The following PANX2 variants were observed in gnomAD, a reference collection of about 807,000 sequenced individuals.
PANX2 encodes pannexin 2.
Under a neutral mutation model 38.7 loss-of-function variants are expected in PANX2, and 30 were observed. The observed-to-expected ratio is 0.78, with a 90% CI of 0.58 to 1.05. The LOEUF is 1.05. PANX2 is among the 50% of genes least tolerant of loss of function. The pLI is 0.00. For missense variants in PANX2, 880 were observed against 979.3 expected, an observed-to-expected ratio of 0.90 and a Z score of 1.35; for synonymous variants, 539 against 472.1, an observed-to-expected ratio of 1.14 and a Z score of -1.84.
In PANX2 at chr22:50,179,160, CG is replaced by C. The variant is rs570684262; in HGVS notation, c.1922del (p.Gly641AlafsTer32). 257 of 1,611,766 alleles carry C rather than the reference CG, an allele frequency of 1.6e-4. 1 individual carries two copies. In the East Asian group the frequency reaches 2.2e-3, roughly 14 times the overall value. ...TGTACGAGGCCCGGGAGGAGGAGGACGGGGGCCCCCGCCTGCCGCAGGACGT... is the reference window on the plus strand; with the variant it reads ...TGTACGAGGCCCGGGAGGAGGAGGACGGGGCCCCCGCCTGCCGCAGGACGT... ...TLYEAREEED[G>X]GPRLPQDVGD... On this transcript the variant is annotated frameshift_variant, in exon 3 of 3. Coordinates refer to ENST00000395842, the MANE Select transcript of PANX2 (RefSeq NM_052839.4). LOFTEE classifies it high-confidence loss of function.
intron 1 of PANX2, among the ~76,000 whole-genome samples, chr22:50,171,553 G>C (rs561394542): frequency 1.3e-5 from 2 of 152,166 alleles, no homozygotes; most frequent in South Asian, 4.1e-4. Context: ...GGAGCCTGGA[G>C]CTCCTGCAGG....
At chr22:50,178,829 T>C in intron 2 of PANX2, 105 bp from the exon 3 acceptor site, 2 of 1,025,516 alleles carry the variant, frequency 2.0e-6, no homozygotes, top group Non-Finnish European at 2.8e-6. Context: ...TCCAGGGCGC[T>C]TCAGAGCCGT....
Position 50,170,856 on chromosome 22 carries a change from GC to G in PANX2, c.127del (p.Gln43SerfsTer2). On this transcript the variant is annotated frameshift_variant, in exon 1 of 3. Coordinates refer to ENST00000395842, the MANE Select transcript of PANX2 (RefSeq NM_052839.4). LOFTEE classifies it high-confidence loss of function. ...KAGALAALLL[Q>X]LKLELPFDRV... Reference sequence around the variant, plus strand: ...CGGGCGCGCTGGCCGCGCTGCTTCTGCAGCTGAAGCTGGAGCTGCCGTTCGA... The same window carrying G: ...CGGGCGCGCTGGCCGCGCTGCTTCTGAGCTGAAGCTGGAGCTGCCGTTCGA... The G allele has an allele frequency of 6.6e-7, 1 of 1,509,032 alleles. No individual in the cohort carries two copies. The allele number at this position is 1,509,032 out of a possible 1,614,324, so 93.5% of individuals were successfully genotyped here.
chr22:50,178,739 G>C (rs966809622), intron 2 of PANX2, among the ~76,000 whole-genome samples, 195 bp from the exon 3 acceptor site: 8 of 152,186 alleles, frequency 5.3e-5, no homozygotes, highest in Non-Finnish European at 1.0e-4. Flanking sequence ...TTCCACCGAC[G>C]GCACTGCGGC....
chr22:50,177,728 C>G lies in PANX2; in HGVS notation c.1016C>G (p.Ser339Trp). The change falls in exon 2 of 3, where the codon TCG becomes TGG. Residue 339 changes from serine (S) to tryptophan (W), a missense_variant. Transcript: ENST00000395842. The stretch of plus-strand genomic sequence containing the variant: ...AAGACGCGCCGGCAGTGGCGCCGCT[C>G]GCAGTTCTGCGACATCAACATCCTG... ...GIKTRRQWRR[S>W]QFCDINILAM... 2 of 1,609,730 alleles carry G rather than the reference C, an allele frequency of 1.2e-6. No homozygotes were observed. The highest frequency in any genetic ancestry group is 1.3e-5 in the African/African-American group (1 of 75,054).
intron 2 of PANX2, 70 bp from the exon 3 acceptor site, chr22:50,178,864 C>G: frequency 1.5e-6 from 2 of 1,360,480 alleles, no homozygotes; most frequent in Non-Finnish European, 2.0e-6. Flanking sequence ...CGCCAGCCTG[C>G]ACTGGGTGGG....
intron 1 of PANX2, chr22:50,175,425 TC>T (rs1211242676): frequency 3.0e-5 from 39 of 1,296,078 alleles, no homozygotes; most frequent in Non-Finnish European, 3.9e-5. Context: ...CCTGTTCTCT[TC>T]CCCAGGGTGG....
At chr22:50,172,833 A>T (rs2063639763) in intron 1 of PANX2, among the ~76,000 whole-genome samples, 1 of 150,112 alleles carries the variant, frequency 6.7e-6, no homozygotes, top group South Asian at 2.1e-4. Context: ...GGTTCAAGCG[A>T]TTCTCCTGCT....
intron 1 of PANX2, chr22:50,175,588 A>T (rs2147061122): frequency 2.1e-6 from 1 of 479,162 alleles, no homozygotes; most frequent in East Asian, 9.8e-5. Context: ...GTCCCCACCG[A>T]GGACTCGGGC....
At chr22:50,178,533 G>A (rs549791262) in intron 2 of PANX2, 131 bp downstream of exon 2, 6 of 594,752 alleles carry the variant, frequency 1.0e-5, no homozygotes, top group African/African-American at 9.9e-5. Context: ...CCCCTCAAAG[G>A]GGGAAGGGAG....
At chr22:50,174,743 C>T (rs991730969) in intron 1 of PANX2, among the ~76,000 whole-genome samples, 3 of 152,218 alleles carry the variant, frequency 2.0e-5, no homozygotes, top group Non-Finnish European at 2.9e-5. Context: ...ACAGAGGACC[C>T]GTAGCAGTCG....
rs1263633168 is a variant in PANX2 at position 50,172,733 on chromosome 22, T to A, written c.226+1777T>A. Among the ~76,000 whole-genome samples, 4 of 151,470 alleles carry A rather than the reference T, an allele frequency of 2.6e-5. No individual in the cohort carries two copies. In the East Asian group the frequency reaches 7.9e-4, roughly 30 times the overall value. On this transcript the variant is annotated intron_variant, in intron 1 of 2. Transcript: ENST00000395842. ...TTCTTCACCACCCCCCCGCTTTTTT[T>A]ATTTTTATTTTTTGAGACAAAGTCT...
At chr22:50,172,348 A>G (rs1359478255) in intron 1 of PANX2, among the ~76,000 whole-genome samples, 1 of 152,226 alleles carries the variant, frequency 6.6e-6, no homozygotes, top group Non-Finnish European at 1.5e-5. Flanking sequence ...TGCTGCCGGC[A>G]ATCCTTGGGC....
chr22:50,174,361 G>A (rs568622919), intron 1 of PANX2, among the ~76,000 whole-genome samples: 31 of 149,714 alleles, frequency 2.1e-4, no homozygotes, highest in Middle Eastern at 6.8e-3. Flanking sequence ...GGCCGGGGGG[G>A]CTGGGCTTTA....
At chr22:50,174,403 T>C (rs1157992060) in intron 1 of PANX2, among the ~76,000 whole-genome samples, 1 of 152,102 alleles carries the variant, frequency 6.6e-6, no homozygotes, top group East Asian at 1.9e-4. Context: ...ATTCTGAATA[T>C]GGGAATATGG....
In PANX2 at chr22:50,177,018, G is replaced by A. The variant is rs1455109929; in HGVS notation, c.306G>A (p.Glu102=). ...ALYARGYCWT[E]LRDALPGVDA... ...ACGCCCGCGGCTACTGCTGGACGGAGCTGCGGGACGCGCTGCCCGGCGTGG... is the reference window on the plus strand; with the variant it reads ...ACGCCCGCGGCTACTGCTGGACGGAACTGCGGGACGCGCTGCCCGGCGTGG... Residue 102 remains glutamate, a synonymous_variant, in exon 2 of 3, where the codon GAG becomes GAA. Coordinates refer to ENST00000395842, the MANE Select transcript of PANX2 (RefSeq NM_052839.4). 6.2e-7 allele frequency: 1 copy of A among 1,604,016 alleles called. No homozygotes were observed. Among genetic ancestry groups the A allele is most frequent in the Admixed American group, 1.7e-5 (1 of 59,368 alleles).
rs1569068891 is a variant in PANX2 at position 50,178,214 on chromosome 22, C to G, written c.1502C>G (p.Pro501Arg). The change falls in exon 2 of 3, where the codon CCG becomes CGG. Residue 501 changes from proline (P) to arginine (R), a missense_variant. By Grantham distance (103) the Pro-to-Arg change is moderately radical. Transcript: ENST00000395842. ...PGPGPAPAPAPPPAPDKKHAR... is the reference protein window; with the variant it reads ...PGPGPAPAPARPPAPDKKHAR... The stretch of plus-strand genomic sequence containing the variant: ...CCCGGCCCCGCCCCTGCCCCCGCCC[C>G]GCCGCCCGCCCCTGACAAGAAGCAC... The G allele has an allele frequency of 6.1e-6, 9 of 1,468,822 alleles. No individual in the cohort carries two copies. Among genetic ancestry groups the G allele is most frequent in the Non-Finnish European group, 8.0e-6 (9 of 1,120,140 alleles). The allele number at this position is 1,468,822 out of a possible 1,614,324, so 91.0% of individuals were successfully genotyped here.
intron 1 of PANX2, chr22:50,175,339 C>A: frequency 4.1e-6 from 2 of 492,248 alleles, no homozygotes; most frequent in Non-Finnish European, 6.8e-6. Flanking sequence ...CCTCTCCCCA[C>A]CCATGTTGGC....
Position 50,178,204 on chromosome 22 carries a change from G to GCCCCCCCCCCCCC in PANX2, c.1497_1498insCCCCCCCCCCCCC (p.Ala500ProfsTer11). On this transcript the variant is annotated frameshift_variant, in exon 2 of 3. Transcript: ENST00000395842. LOFTEE classifies it high-confidence loss of function. ...CGACCCGGGCCCCGGCCCCGCCCCT[G>GCCCCCCCCCCCCC]CCCCCGCCCCGCCGCCCGCCCCTGA... 7.6e-7 allele frequency: 1 copy of GCCCCCCCCCCCCC among 1,319,956 alleles called. No homozygotes were observed. The highest frequency in any genetic ancestry group is 1.0e-6 in the Non-Finnish European group (1 of 1,004,480). The allele number at this position is 1,319,956 out of a possible 1,614,324, so 81.8% of individuals were successfully genotyped here.
Sources: allele counts gnomAD v4.1 joint callset (sites outside exome capture counted in the v4.1 genomes callset), GRCh38; gene constraint gnomAD v4.1.1; transcripts MANE v1.5; gene names NCBI Gene and HGNC (gene_info 2026-07-23, HGNC 2026-07-21).